The following AUTS2 variants were observed in gnomAD, a reference collection of about 807,000 sequenced individuals.
The protein encoded by AUTS2 is autism susceptibility gene 2 protein.
In AUTS2, 17 loss-of-function variants were observed where a neutral mutation model predicts 112.4. The observed-to-expected ratio is 0.15, with a 90% CI of 0.10 to 0.23. The LOEUF (loss-of-function observed/expected upper bound fraction) is 0.23. AUTS2 is among the 10% of genes least tolerant of loss of function. AUTS2 has a pLI of 1.00. For missense variants in AUTS2, 1,510 were observed against 1,701.6 expected, an observed-to-expected ratio of 0.89 and a Z score of 1.98; for synonymous variants, 751 against 702.7, an observed-to-expected ratio of 1.07 and a Z score of -1.09.
intron 2 of AUTS2, among the ~76,000 whole-genome samples, chr7:70,031,904 C>G (rs752632453): frequency 1.3e-5 from 2 of 152,114 alleles, no homozygotes; most frequent in Non-Finnish European, 2.9e-5. Flanking sequence ...TCACCACTTC[C>G]ACTACCACTG....
chr7:69,992,651 C>T (rs1798785593), intron 2 of AUTS2, among the ~76,000 whole-genome samples: 1 of 152,142 alleles, frequency 6.6e-6, no homozygotes, highest in South Asian at 2.1e-4. Context: ...ACCAGTCCTC[C>T]AGTGGGAGGA....
At chr7:70,227,164 A>G (rs976052843) in intron 4 of AUTS2, among the ~76,000 whole-genome samples, 1 of 152,186 alleles carries the variant, frequency 6.6e-6, no homozygotes, top group Non-Finnish European at 1.5e-5. Flanking sequence ...TATGTGTATA[A>G]AAAGTGGAAA....
chr7:69,939,050 T>C (rs1796524242), intron 2 of AUTS2, among the ~76,000 whole-genome samples: 1 of 152,218 alleles, frequency 6.6e-6, no homozygotes, highest in Non-Finnish European at 1.5e-5. Context: ...CATAATGATA[T>C]CTTAGACCAT....
At chr7:69,734,894 G>C (rs1277194078) in intron 1 of AUTS2, among the ~76,000 whole-genome samples, 1 of 151,988 alleles carries the variant, frequency 6.6e-6, no homozygotes, top group African/African-American at 2.4e-5. Context: ...TCCACCCCCT[G>C]CCCCATTCTC....
At chr7:70,065,306 T>C (rs1802437199) in intron 2 of AUTS2, among the ~76,000 whole-genome samples, 1 of 152,128 alleles carries the variant, frequency 6.6e-6, no homozygotes, top group African/African-American at 2.4e-5. Flanking sequence ...ATGAAAGAAA[T>C]GTTTATCTTT....
At chr7:70,262,872 T>G (rs550907107) in intron 4 of AUTS2, among the ~76,000 whole-genome samples, 39 of 152,300 alleles carry the variant, frequency 2.6e-4, no homozygotes, top group African/African-American at 9.4e-4. Flanking sequence ...ACCAAGGGCC[T>G]GGATATGGGA....
At chr7:69,881,265 T>A (rs1794029827) in intron 1 of AUTS2, among the ~76,000 whole-genome samples, 1 of 151,800 alleles carries the variant, frequency 6.6e-6, no homozygotes, top group Non-Finnish European at 1.5e-5. Context: ...GGAAGGAGAG[T>A]TTTTTTCCTC....
chr7:70,003,245 TTATATATG>T (rs1799298351), intron 2 of AUTS2, among the ~76,000 whole-genome samples: 2 of 130,822 alleles, frequency 1.5e-5, no homozygotes, highest in South Asian at 2.2e-4. Context: ...TATGAATATA[TTATATATG>T]AATATATAAT....
chr7:70,353,166 T>C (rs927073765), intron 4 of AUTS2, among the ~76,000 whole-genome samples: 1 of 152,192 alleles, frequency 6.6e-6, no homozygotes. Context: ...GGTTCCACCA[T>C]AGCCAACAGA....
intron 6 of AUTS2, among the ~76,000 whole-genome samples, chr7:70,720,651 T>A (rs1199347543): frequency 6.6e-6 from 1 of 152,116 alleles, no homozygotes; most frequent in African/African-American, 2.4e-5. Flanking sequence ...CCACCAGGGG[T>A]CCCTTCTCTC....
chr7:70,671,261 C>T (rs995421507), intron 5 of AUTS2, among the ~76,000 whole-genome samples: 1 of 152,212 alleles, frequency 6.6e-6, no homozygotes, highest in Non-Finnish European at 1.5e-5. Flanking sequence ...CTTATTACAC[C>T]CGCTGCCTCC....
chr7:70,017,821 ATATATT>A (rs1286280653), intron 2 of AUTS2, among the ~76,000 whole-genome samples: 2 of 148,418 alleles, frequency 1.3e-5, no homozygotes, highest in Admixed American at 6.7e-5. Context: ...ATATTTATAA[ATATATT>A]TATATTTATA....
intron 5 of AUTS2, 132 bp downstream of exon 5, chr7:70,435,913 A>T: frequency 4.4e-6 from 4 of 908,372 alleles, no homozygotes; most frequent in Non-Finnish European, 7.0e-6. Context: ...AAAGATGGGC[A>T]TTATTCACAC....
At chr7:70,245,144 GTATA>G (rs71077638) in intron 4 of AUTS2, among the ~76,000 whole-genome samples, 101 of 108,840 alleles carry the variant, frequency 9.3e-4, no homozygotes, top group Middle Eastern at 6.0e-3. Context: ...GTGTGTGTGT[GTATA>G]TATATATATA....
At chr7:70,672,107 T>C (rs1807674274) in intron 5 of AUTS2, among the ~76,000 whole-genome samples, 1 of 152,150 alleles carries the variant, frequency 6.6e-6, no homozygotes, top group African/African-American at 2.4e-5. Flanking sequence ...AGGTCATCTG[T>C]AGATTGTTGA....
At chr7:70,309,825 G>A (rs1001436616) in intron 4 of AUTS2, among the ~76,000 whole-genome samples, 4 of 152,178 alleles carry the variant, frequency 2.6e-5, no homozygotes, top group Non-Finnish European at 5.9e-5. Flanking sequence ...CAGCGCTTCA[G>A]TGATTAAGAA....
intron 4 of AUTS2, among the ~76,000 whole-genome samples, chr7:70,254,228 C>T (rs900131507): frequency 1.3e-5 from 2 of 152,144 alleles, no homozygotes; most frequent in Non-Finnish European, 2.9e-5. Flanking sequence ...CACTCTGCAA[C>T]CTGGAACAAA....
At chr7:70,066,693 C>A (rs1166710459) in intron 2 of AUTS2, among the ~76,000 whole-genome samples, 1 of 152,018 alleles carries the variant, frequency 6.6e-6, no homozygotes, top group Non-Finnish European at 1.5e-5. Flanking sequence ...GTGCATGCCA[C>A]CACACCCAGC....
At chr7:69,841,566 T>C (rs1208275694) in intron 1 of AUTS2, among the ~76,000 whole-genome samples, 4 of 152,136 alleles carry the variant, frequency 2.6e-5, no homozygotes, top group African/African-American at 9.7e-5. Context: ...GAAAAACAAA[T>C]TAATCCACAC....
Sources: allele counts gnomAD v4.1 joint callset (sites outside exome capture counted in the v4.1 genomes callset), GRCh38; gene constraint gnomAD v4.1.1; transcripts MANE v1.5; gene names NCBI Gene and HGNC (gene_info 2026-07-23, HGNC 2026-07-21).